TFEC: variants seen among roughly 807,000 people sequenced by gnomAD.
The protein encoded by TFEC is transcription factor EC.
In TFEC, 31 loss-of-function variants were observed where a neutral mutation model predicts 41.6. The observed-to-expected ratio is 0.74, with a 90% CI of 0.56 to 1.01. The LOEUF (loss-of-function observed/expected upper bound fraction) is 1.01. TFEC is among the 50% of genes least tolerant of loss of function. The pLI, the probability that TFEC is intolerant of heterozygous loss-of-function variation, is 0.00. For synonymous variants in TFEC, 143 were observed against 140.6 expected, an observed-to-expected ratio of 1.02 and a Z score of -0.12; for missense variants, 402 against 404.1, an observed-to-expected ratio of 0.99 and a Z score of 0.04.
At chr7:116,117,352 G>C (rs1189821007) in intron 1 of TFEC, 3 of 151,806 alleles carry the variant, frequency 2.0e-5, no homozygotes, top group African/African-American at 7.2e-5. Flanking sequence ...CTGTTAGTAA[G>C]TGTCAGAATT....
chr7:116,117,833 C>T (rs767906569), intron 1 of TFEC, among the ~76,000 whole-genome samples: 4 of 151,858 alleles, frequency 2.6e-5, no homozygotes, highest in Non-Finnish European at 5.9e-5. Flanking sequence ...GGGCTAGCCA[C>T]ATCACTGAGT....
chr7:116,137,201 A>G (rs1428475882), intron 1 of TFEC, among the ~76,000 whole-genome samples: 1 of 152,104 alleles, frequency 6.6e-6, no homozygotes, highest in Non-Finnish European at 1.5e-5. Flanking sequence ...CCCCAAGGTA[A>G]GAGACTCATC....
intron 1 of TFEC, among the ~76,000 whole-genome samples, chr7:116,134,363 G>T (rs1226793790): frequency 1.3e-5 from 2 of 151,870 alleles, no homozygotes; most frequent in Non-Finnish European, 2.9e-5. Flanking sequence ...AAGAGGGAAG[G>T]AAAAATGTAT....
chr7:116,080,255 T>C (rs373291105), intron 3 of TFEC, among the ~76,000 whole-genome samples: 37 of 152,160 alleles, frequency 2.4e-4, no homozygotes, highest in African/African-American at 7.5e-4. Context: ...CTTCTAGACA[T>C]TGGCTTAGGC....
chr7:116,062,599 A>ATATATATATC (rs1400618373), intron 3 of TFEC, among the ~76,000 whole-genome samples: 4 of 119,984 alleles, frequency 3.3e-5, no homozygotes, highest in South Asian at 5.1e-4. Context: ...ATATATATAT[A>ATATATATATC]TCACATTTTT....
At chr7:116,083,983 G>A (rs1343089034) in intron 3 of TFEC, among the ~76,000 whole-genome samples, 4 of 151,836 alleles carry the variant, frequency 2.6e-5, no homozygotes, top group South Asian at 2.1e-4. Flanking sequence ...GGCCAATTAC[G>A]AACATTCTTT....
chr7:116,067,844 T>C (rs1187658234), intron 3 of TFEC, among the ~76,000 whole-genome samples: 1 of 151,888 alleles, frequency 6.6e-6, no homozygotes, highest in Non-Finnish European at 1.5e-5. Flanking sequence ...TTCAGTGCTT[T>C]GATGAATTAA....
At chr7:116,113,382 G>T in intron 1 of TFEC, among the ~76,000 whole-genome samples, 1 of 151,948 alleles carries the variant, frequency 6.6e-6, no homozygotes, top group Middle Eastern at 3.2e-3. Context: ...AGAAAGCAGA[G>T]ATTAGAGTTG....
At chr7:116,065,813 C>T (rs1796681806) in intron 3 of TFEC, among the ~76,000 whole-genome samples, 1 of 151,986 alleles carries the variant, frequency 6.6e-6, no homozygotes, top group Non-Finnish European at 1.5e-5. Context: ...AGCATGAATA[C>T]CTAAGAATAA....
chr7:116,119,368 T>A (rs1798060606), intron 1 of TFEC, among the ~76,000 whole-genome samples: 1 of 151,802 alleles, frequency 6.6e-6, no homozygotes, highest in Non-Finnish European at 1.5e-5. Flanking sequence ...GAAAGATAAA[T>A]ATGAATTAAA....
intron 1 of TFEC, among the ~76,000 whole-genome samples, chr7:116,127,846 CT>C (rs946048432): frequency 1.3e-5 from 2 of 152,038 alleles, no homozygotes; most frequent in African/African-American, 4.8e-5. Context: ...TCTATGTTGC[CT>C]TTTCTAGCCC....
At chr7:116,033,870 C>T (rs921957091), upstream of TFEC, among the ~76,000 whole-genome samples, 1 of 152,128 alleles carries the variant, frequency 6.6e-6, no homozygotes, top group African/African-American at 2.4e-5. Context: ...TTTTGAAAAA[C>T]TCAAAAGAGC....
At chr7:116,130,847 A>G (rs1470171678) in intron 1 of TFEC, among the ~76,000 whole-genome samples, 2 of 152,170 alleles carry the variant, frequency 1.3e-5, no homozygotes, top group African/African-American at 4.8e-5. Flanking sequence ...CCTGGGCTCA[A>G]GCGATTTGCC....
At chr7:116,104,594 A>C (rs972734818) in intron 3 of TFEC, among the ~76,000 whole-genome samples, 14 of 152,126 alleles carry the variant, frequency 9.2e-5, no homozygotes, top group African/African-American at 2.9e-4. Context: ...TATTTGAAAA[A>C]CATTTTTACA....
chr7:116,056,164 T>G (rs1339273617), intron 3 of TFEC, among the ~76,000 whole-genome samples: 1 of 150,936 alleles, frequency 6.6e-6, no homozygotes, highest in African/African-American at 2.4e-5. Flanking sequence ...CAAAAAAGAG[T>G]GATCCCCGAG....
At chr7:116,022,637 C>A (rs565041977) in intron 1 of TFEC, among the ~76,000 whole-genome samples, 2 of 152,194 alleles carry the variant, frequency 1.3e-5, no homozygotes, top group African/African-American at 2.4e-5. Flanking sequence ...GAGGCATGGC[C>A]CAGTTCAAGT....
intron 1 of TFEC, among the ~76,000 whole-genome samples, chr7:116,114,232 A>G (rs1216739730): frequency 1.3e-5 from 2 of 151,986 alleles, no homozygotes; most frequent in African/African-American, 4.8e-5. Context: ...TTCAGCGAAA[A>G]ACACACAATA....
At chr7:116,092,703 G>T (rs1355175751) in intron 3 of TFEC, among the ~76,000 whole-genome samples, 1 of 152,060 alleles carries the variant, frequency 6.6e-6, no homozygotes, top group East Asian at 1.9e-4. Flanking sequence ...TAATTTGTTT[G>T]GGCATTCTCC....
intron 1 of TFEC, among the ~76,000 whole-genome samples, chr7:116,158,478 T>A (rs936164652): frequency 6.6e-6 from 1 of 152,152 alleles, no homozygotes; most frequent in Non-Finnish European, 1.5e-5. Flanking sequence ...CAACTAACTA[T>A]ATATCTAGCC....
Sources: gnomAD v4.1 joint callset for allele counts (sites outside exome capture counted in the v4.1 genomes callset) on GRCh38, gnomAD v4.1.1 for gene constraint, MANE v1.5 for transcripts, NCBI Gene and HGNC (gene_info 2026-07-23, HGNC 2026-07-21) for gene names.